PDE4D: variants seen among roughly 807,000 people sequenced by gnomAD.
The protein encoded by PDE4D is 3',5'-cyclic-AMP phosphodiesterase 4D.
A neutral mutation model predicts 87.4 loss-of-function variants in PDE4D; 24 were observed. That is an observed-to-expected ratio of 0.27 (90% CI 0.20 to 0.39). PDE4D has a LOEUF of 0.39. PDE4D is among the 10% of genes least tolerant of loss of function. PDE4D has a pLI of 1.00. For synonymous variants in PDE4D, 384 were observed against 383.2 expected (o/e 1.00, Z -0.02); for missense variants, 714 against 1,041.0 (o/e 0.69, Z 4.32).
chr5:59,193,027 A>G (rs949644172), intron 3 of PDE4D, among the ~76,000 whole-genome samples: 1 of 152,180 alleles, frequency 6.6e-6, no homozygotes, highest in Admixed American at 6.5e-5. Flanking sequence ...TGGTTAAAGT[A>G]TTTTCATGAT....
At chr5:60,054,910 C>T (rs1770611101) in intron 2 of PDE4D, among the ~76,000 whole-genome samples, 1 of 152,048 alleles carries the variant, frequency 6.6e-6, no homozygotes, top group African/African-American at 2.4e-5. Flanking sequence ...CAAGCTTTAT[C>T]TCTAATTATA....
chr5:59,376,384 C>G (rs1436061849), intron 1 of PDE4D, among the ~76,000 whole-genome samples: 2 of 152,104 alleles, frequency 1.3e-5, no homozygotes, highest in Admixed American at 1.3e-4. Context: ...TTCCTACACA[C>G]CAACAATAGT....
At chr5:60,431,165 G>A (rs527328589) in intron 1 of PDE4D, 19 of 201,306 alleles carry the variant, frequency 9.4e-5, no homozygotes, top group East Asian at 7.1e-4. Context: ...CTGGCCGGGC[G>A]GGGGGCTGAC....
At chr5:59,875,188 A>G (rs1581536599) in intron 1 of PDE4D, among the ~76,000 whole-genome samples, 1 of 152,070 alleles carries the variant, frequency 6.6e-6, no homozygotes, top group Non-Finnish European at 1.5e-5. Context: ...GTGGCTGGGC[A>G]TGGTGGCTCA....
chr5:60,168,551 G>A (rs968744560), intron 2 of PDE4D, among the ~76,000 whole-genome samples: 3 of 152,130 alleles, frequency 2.0e-5, no homozygotes, highest in Non-Finnish European at 2.9e-5. Context: ...TTGTCCCTTG[G>A]TATCCGTGGG....
At chr5:59,301,094 C>A (rs1163528372) in intron 1 of PDE4D, among the ~76,000 whole-genome samples, 1 of 152,092 alleles carries the variant, frequency 6.6e-6, no homozygotes, top group Non-Finnish European at 1.5e-5. Flanking sequence ...GCTCACTGAA[C>A]CCTGTCCTTC....
chr5:59,486,284 T>C (rs1015249900), intron 1 of PDE4D, among the ~76,000 whole-genome samples: 1 of 152,150 alleles, frequency 6.6e-6, no homozygotes. Context: ...ACTCCTGTCC[T>C]CACCATCCTG....
chr5:58,972,478 G>T lies in PDE4D; in HGVS notation c.*2186C>A, dbSNP rs1355335195. 6.6e-6 allele frequency: 1 copy of T among 152,308 alleles called. No individual in the cohort carries two copies. The highest frequency in any genetic ancestry group is 2.4e-5 in the African/African-American group (1 of 41,424). 9.4% of individuals were successfully genotyped at this position (152,308 alleles called of 1,614,324 possible). ...CTAGATCTCAGGGGACTGAAATGGG[G>T]ACTCTCTTCAGCATGAGTCATTTGC... On this transcript the variant is annotated 3_prime_UTR_variant, in exon 15 of 15. Coordinates refer to ENST00000340635, the MANE Select transcript of PDE4D (RefSeq NM_001104631.2).
At position 60,338,076 on chromosome 5, in the gene PDE4D, T is replaced by C. The variant is rs565950540; in HGVS notation, c.-90+149866A>G. On this transcript the variant is annotated intron_variant, in intron 1 of 16. Coordinates refer to the PDE4D transcript ENST00000502484. ...GTTCAGCCTTCAAAGCAGGGAGTTA[T>C]ATAGGTAGATAAAGGAAGGTGAGTA... Among the ~76,000 whole-genome samples the C allele has an allele frequency of 4.6e-5, 7 of 152,212 alleles. No homozygotes were observed. The South Asian group carries it at 1.0e-3, about 23-fold the overall frequency.
intron 3 of PDE4D, among the ~76,000 whole-genome samples, chr5:59,901,390 T>C (rs1752241654): frequency 6.6e-6 from 1 of 152,174 alleles, no homozygotes; most frequent in Non-Finnish European, 1.5e-5. Flanking sequence ...ATTATAGTAT[T>C]CATGCAAGGA....
chr5:60,364,034 T>C (rs578234714), intron 1 of PDE4D, among the ~76,000 whole-genome samples: 1 of 152,278 alleles, frequency 6.6e-6, no homozygotes, highest in Non-Finnish European at 1.5e-5. Context: ...TGATATTAAG[T>C]TGTAACTATG....
At chr5:59,159,691 A>T (rs781297018) in intron 5 of PDE4D, among the ~76,000 whole-genome samples, 1 of 152,228 alleles carries the variant, frequency 6.6e-6, no homozygotes, top group African/African-American at 2.4e-5. Context: ...CACTTTATGC[A>T]TCTCATATCC....
chr5:60,231,987 A>G (rs988244994), intron 1 of PDE4D, among the ~76,000 whole-genome samples: 9 of 151,926 alleles, frequency 5.9e-5, no homozygotes, highest in Non-Finnish European at 1.0e-4. Flanking sequence ...GCCTTAGTCA[A>G]TTTTTTAATA....
In PDE4D at chr5:59,112,184, C is replaced by G. The variant is rs570869584; in HGVS notation, c.808+68411G>C. 1.3e-3 allele frequency among the ~76,000 whole-genome samples: 192 copies of G among 152,234 alleles called. 1 individual carries two copies. Among genetic ancestry groups the G allele is most frequent in the African/African-American group, 4.3e-3 (179 of 41,542 alleles). ...ATACCGGGGGAAAGAGCACTTCATG[C>G]AGCACCAAGGTCTTAAAATGGAAGT... On this transcript the variant is annotated intron_variant, in intron 5 of 14. Coordinates refer to ENST00000340635, the MANE Select transcript of PDE4D (RefSeq NM_001104631.2).
intron 5 of PDE4D, among the ~76,000 whole-genome samples, chr5:59,129,395 G>C (rs925301298): frequency 6.6e-6 from 1 of 152,088 alleles, no homozygotes; most frequent in African/African-American, 2.4e-5. Context: ...AAGCCACTGA[G>C]CCCAGCAAAG....
chr5:59,681,429 TCC>T (rs2150364141), intron 1 of PDE4D, among the ~76,000 whole-genome samples: 1 of 152,250 alleles, frequency 6.6e-6, no homozygotes, highest in African/African-American at 2.4e-5. Flanking sequence ...TTACAAGATT[TCC>T]CCTTAGCAAA....
intron 1 of PDE4D, among the ~76,000 whole-genome samples, chr5:59,425,748 C>T (rs1258859817): frequency 2.0e-5 from 3 of 152,182 alleles, no homozygotes; most frequent in Non-Finnish European, 4.4e-5. Context: ...CAATGCCTCC[C>T]TCGTGCAGGT....
chr5:60,174,250 A>G (rs890927982), intron 2 of PDE4D, among the ~76,000 whole-genome samples: 1 of 152,168 alleles, frequency 6.6e-6, no homozygotes, highest in Non-Finnish European at 1.5e-5. Flanking sequence ...ACATGGGCCA[A>G]TGACTGAATC....
intron 1 of PDE4D, among the ~76,000 whole-genome samples, chr5:60,507,900 A>G (rs1273267534): frequency 6.6e-6 from 1 of 152,228 alleles, no homozygotes; most frequent in Admixed American, 6.5e-5. Flanking sequence ...ACTGACTTAT[A>G]AACATCTGAC....
Sources: gnomAD v4.1 joint callset for allele counts (sites outside exome capture counted in the v4.1 genomes callset) on GRCh38, gnomAD v4.1.1 for gene constraint, MANE v1.5 for transcripts, NCBI Gene and HGNC (gene_info 2026-07-23, HGNC 2026-07-21) for gene names.